The following SESN1 variants were observed in gnomAD, a reference collection of about 807,000 sequenced individuals.
SESN1 encodes sestrin-1.
A neutral mutation model predicts 59.3 loss-of-function variants in SESN1; 30 were observed. The observed-to-expected ratio is 0.51, with a 90% CI of 0.38 to 0.69. SESN1 has a LOEUF of 0.69. Among genes scored for constraint, SESN1 ranks in the 30% least tolerant of loss-of-function variants. The probability of loss-of-function intolerance (pLI) is 0.00; values close to 1 mark genes in which losing one functional copy is unlikely to be tolerated. For missense variants in SESN1, 566 were observed against 673.0 expected, an observed-to-expected ratio of 0.84 and a Z score of 1.76; for synonymous variants, 197 against 219.9, an observed-to-expected ratio of 0.90 and a Z score of 0.92.
At chr6:109,007,039 G>A (rs1234727962) in intron 1 of SESN1, among the ~76,000 whole-genome samples, 1 of 152,182 alleles carries the variant, frequency 6.6e-6, no homozygotes, top group Non-Finnish European at 1.5e-5. Flanking sequence ...CTCTGTGAAG[G>A]TGTGGCTGGA....
rs114656373 is a variant in SESN1, at chr6:109,087,288, T to C, written c.279+6507A>G. Among the ~76,000 whole-genome samples the C allele has an allele frequency of 7.8e-3, 1,186 of 152,194 alleles. 21 individuals carry two copies. Among genetic ancestry groups the C allele is most frequent in the African/African-American group, 0.027 (1,139 of 41,508 alleles). ...AGACACTGAGTATAGATAGTACAGA[T>C]ATGATTCCTCCTGTAAGTCAGAAAG... is the stretch of plus-strand genomic sequence containing the variant. On this transcript the variant is annotated intron_variant, in intron 1 of 9. Coordinates refer to ENST00000436639, the MANE Select transcript of SESN1 (RefSeq NM_014454.3).
At chr6:108,993,713 T>G (rs1164123994) in intron 6 of SESN1, among the ~76,000 whole-genome samples, 1 of 152,194 alleles carries the variant, frequency 6.6e-6, no homozygotes. Context: ...GGTAATTTAA[T>G]AAATATCTCC....
intron 1 of SESN1, among the ~76,000 whole-genome samples, chr6:109,032,164 C>T (rs1033253221): frequency 9.9e-5 from 15 of 151,758 alleles, no homozygotes; most frequent in East Asian, 5.8e-4. Flanking sequence ...CCCAGCTATT[C>T]GGGAGGTTGA....
At chr6:109,066,174 T>C (rs923744614) in intron 1 of SESN1, among the ~76,000 whole-genome samples, 1 of 152,186 alleles carries the variant, frequency 6.6e-6, no homozygotes, top group African/African-American at 2.4e-5. Context: ...TAATAACATG[T>C]CTGTAAACTA....
chr6:109,025,911 G>A (rs1780085613), intron 1 of SESN1, among the ~76,000 whole-genome samples: 1 of 151,068 alleles, frequency 6.6e-6, no homozygotes, highest in Non-Finnish European at 1.5e-5. Context: ...AAGACACGAT[G>A]GTTAAGGATT....
intron 1 of SESN1, among the ~76,000 whole-genome samples, chr6:109,087,303 A>C (rs1284939003): frequency 6.6e-6 from 1 of 152,092 alleles, no homozygotes; most frequent in Non-Finnish European, 1.5e-5. Context: ...TTCCTCCTGT[A>C]AGTCAGAAAG....
chr6:109,093,342 T>C (rs1781369032), intron 1 of SESN1, among the ~76,000 whole-genome samples: 1 of 152,128 alleles, frequency 6.6e-6, no homozygotes, highest in Admixed American at 6.5e-5. Context: ...AAAAGAGAGG[T>C]TGCATTTAGA....
At chr6:109,009,725 A>T (rs536269604) in intron 1 of SESN1, among the ~76,000 whole-genome samples, 144 of 152,010 alleles carry the variant, frequency 9.5e-4, no homozygotes, top group African/African-American at 3.3e-3. Context: ...GTGAAAAATC[A>T]CCTTGGGGGC....
At chr6:109,091,430 C>G (rs555724381) in intron 1 of SESN1, among the ~76,000 whole-genome samples, 4 of 152,282 alleles carry the variant, frequency 2.6e-5, no homozygotes, top group Non-Finnish European at 5.9e-5. Flanking sequence ...GCAGCCAGGT[C>G]TGCCAAACTC....
chr6:109,002,277 C>T lies in SESN1; in HGVS notation c.345+1G>A. The T allele has an allele frequency of 6.2e-7, 1 of 1,612,830 alleles. No individual in the cohort carries two copies. ...ACTATGTACTTTCACAAACAACGTA[C>T]CTCCTTTTCTGGGATGAATCTGCTT... is the stretch of plus-strand genomic sequence containing the variant. On this transcript the variant is annotated splice_donor_variant, in intron 2 of 9. Coordinates refer to ENST00000436639, the MANE Select transcript of SESN1 (RefSeq NM_014454.3). LOFTEE classifies it high-confidence loss of function.
intron 1 of SESN1, among the ~76,000 whole-genome samples, chr6:109,074,295 T>C (rs758794836): frequency 7.6e-5 from 11 of 144,590 alleles, no homozygotes; most frequent in Non-Finnish European, 1.5e-4. Flanking sequence ...TATGTGTGTA[T>C]ATATGTATAT....
rs368005017 is a variant in SESN1 at position 109,000,626 on chromosome 6, A to G, written c.594T>C (p.Asn198=). The G allele has an allele frequency of 5.6e-6, 9 of 1,610,914 alleles. No homozygotes were observed. The African/African-American group carries it at 1.2e-4, about 22-fold the overall frequency. ...QCSYLVNLHV[N]DFLHVGGDPK... ...GGTCCCCACCAACATGAAGGAAATC[A>G]TTTACATGCAGGTTCACTAAGTAGG... Residue 198 remains asparagine (N), a synonymous_variant, in exon 4 of 10, where the codon AAT becomes AAC. Coordinates refer to ENST00000436639, the MANE Select transcript of SESN1 (RefSeq NM_014454.3).
chr6:109,087,538 G>A (rs907697612), intron 1 of SESN1, among the ~76,000 whole-genome samples: 8 of 152,060 alleles, frequency 5.3e-5, no homozygotes, highest in Admixed American at 3.3e-4. Context: ...AGTTCACAAC[G>A]TATCAATAAA....
intron 1 of SESN1, among the ~76,000 whole-genome samples, chr6:109,016,504 C>A (rs1269024953): frequency 6.6e-6 from 1 of 152,070 alleles, no homozygotes; most frequent in African/African-American, 2.4e-5. Context: ...GATTCTTAAC[C>A]TGAGCACAAG....
rs1044496171 is a variant in SESN1 at position 109,033,089 on chromosome 6, AG to A, written c.280-30747del. Among the ~76,000 whole-genome samples, 147 of 152,266 alleles carry A rather than the reference AG, an allele frequency of 9.7e-4. 1 individual carries two copies. The highest frequency in any genetic ancestry group is 3.3e-3 in the African/African-American group (138 of 41,558). ...GGATTCAGAGGAGGGGAAAAAGTCA[AG>A]GGATTATTAAAAATGTTGCAAGCAG... is the stretch of plus-strand genomic sequence containing the variant. On this transcript the variant is annotated intron_variant, in intron 1 of 9. Transcript: ENST00000436639.
intron 1 of SESN1, among the ~76,000 whole-genome samples, chr6:109,005,370 A>C (rs1779711745): frequency 6.6e-6 from 1 of 152,174 alleles, no homozygotes; most frequent in South Asian, 2.1e-4. Flanking sequence ...AGGAAAAAAA[A>C]CCTCACTGAT....
chr6:109,081,221 C>T (rs891947225), intron 1 of SESN1, among the ~76,000 whole-genome samples: 10 of 152,018 alleles, frequency 6.6e-5, no homozygotes, highest in African/African-American at 2.4e-4. Flanking sequence ...ACTGGGACCA[C>T]AGGCATGCAT....
Position 108,987,460 on chromosome 6 carries a change from C to T in SESN1, c.*84G>A, listed in dbSNP as rs1779228553. On this transcript the variant is annotated 3_prime_UTR_variant, in exon 10 of 10. Coordinates refer to ENST00000436639, the MANE Select transcript of SESN1 (RefSeq NM_014454.3). The stretch of plus-strand genomic sequence containing the variant: ...TGGATTTCTGAATTATTTTGTCTAC[C>T]ATTGGTCCTGGGGCTTAGTACCTTC... 3.1e-6 allele frequency: 2 copies of T among 647,236 alleles called. No homozygotes were observed. Among genetic ancestry groups the T allele is most frequent in the South Asian group, 4.4e-5 (2 of 45,390 alleles). The allele number at this position is 647,236 out of a possible 1,614,324, so 40.1% of individuals were successfully genotyped here.
chr6:109,013,850 A>C (rs1415415282), intron 1 of SESN1, among the ~76,000 whole-genome samples: 3 of 152,082 alleles, frequency 2.0e-5, no homozygotes, highest in Admixed American at 2.0e-4. Flanking sequence ...CTGCTTACTA[A>C]TTTTGTCTAG....
Sources: allele counts gnomAD v4.1 joint callset (sites outside exome capture counted in the v4.1 genomes callset), GRCh38; gene constraint gnomAD v4.1.1; transcripts MANE v1.5; gene names NCBI Gene and HGNC (gene_info 2026-07-23, HGNC 2026-07-21).